The following GRID2 variants were observed in gnomAD, a reference collection of about 807,000 sequenced individuals.
GRID2 encodes glutamate ionotropic receptor delta type subunit 2.
Under a neutral mutation model 114.8 loss-of-function variants are expected in GRID2, and 33 were observed. That is an observed-to-expected ratio of 0.29 (90% CI 0.22 to 0.38). The LOEUF is 0.38. Ranked by LOEUF, GRID2 falls within the 10% of genes least tolerant of loss-of-function variation. The probability of loss-of-function intolerance (pLI) is 1.00; values close to 1 mark genes in which losing one functional copy is unlikely to be tolerated. For missense variants in GRID2, 1,184 were observed against 1,257.7 expected, an observed-to-expected ratio of 0.94 and a Z score of 0.89; for synonymous variants, 505 against 449.9, an observed-to-expected ratio of 1.12 and a Z score of -1.55.
intron 4 of GRID2, among the ~76,000 whole-genome samples, chr4:93,129,744 A>G (rs1014623776): frequency 6.6e-6 from 1 of 152,110 alleles, no homozygotes; most frequent in African/African-American, 2.4e-5. Flanking sequence ...CCTTGTCTCC[A>G]TGATGTTTGG....
Position 92,522,723 on chromosome 4 carries a change from G to T in GRID2, c.89-67408G>T, listed in dbSNP as rs566628508. The stretch of plus-strand genomic sequence containing the variant: ...GAGCAGTAGTCAAAGATAACTTCAA[G>T]TTTTGGGGTTGGGAAAATTGAGAGG... On this transcript the variant is annotated intron_variant, in intron 1 of 15. Coordinates refer to ENST00000282020, the MANE Select transcript of GRID2 (RefSeq NM_001510.4). Among the ~76,000 whole-genome samples the T allele has an allele frequency of 1.2e-4, 18 of 152,068 alleles. No homozygotes were observed. The East Asian group carries it at 2.3e-3, about 20-fold the overall frequency.
At chr4:93,682,108 C>A (rs1457288374) in intron 14 of GRID2, among the ~76,000 whole-genome samples, 12 of 151,472 alleles carry the variant, frequency 7.9e-5, no homozygotes, top group African/African-American at 9.8e-5. Flanking sequence ...ACCCCATCAA[C>A]AAGTGGGCAA....
chr4:92,650,574 G>A (rs551754333), intron 2 of GRID2, among the ~76,000 whole-genome samples: 1 of 151,806 alleles, frequency 6.6e-6, no homozygotes, highest in South Asian at 2.1e-4. Flanking sequence ...TTTGCCTGTT[G>A]ATTCAGATAC....
chr4:93,069,729 C>A (rs574890044), intron 2 of GRID2, among the ~76,000 whole-genome samples: 3 of 152,146 alleles, frequency 2.0e-5, no homozygotes, highest in Non-Finnish European at 4.4e-5. Context: ...ACCATCTTGT[C>A]GGTCAATCAC....
At chr4:92,975,081 C>T (rs1354128738) in intron 2 of GRID2, among the ~76,000 whole-genome samples, 6 of 139,576 alleles carry the variant, frequency 4.3e-5, no homozygotes, top group Non-Finnish European at 7.5e-5. Context: ...GGCGTGAACC[C>T]GGGGTGTGGA....
chr4:92,997,810 A>C (rs1426025607), intron 2 of GRID2, among the ~76,000 whole-genome samples: 3 of 152,190 alleles, frequency 2.0e-5, no homozygotes, highest in Non-Finnish European at 4.4e-5. Flanking sequence ...TGATACCAGC[A>C]CAGCAGTTAA....
chr4:92,480,699 C>G (rs1021526368), intron 1 of GRID2, among the ~76,000 whole-genome samples: 1 of 152,114 alleles, frequency 6.6e-6, no homozygotes, highest in Non-Finnish European at 1.5e-5. Flanking sequence ...GCTCAAGGCT[C>G]TAACCTTAAT....
intron 4 of GRID2, among the ~76,000 whole-genome samples, chr4:93,182,580 C>T (rs1739998302): frequency 6.6e-6 from 1 of 152,102 alleles, no homozygotes; most frequent in Admixed American, 6.6e-5. Context: ...GCTACATTAT[C>T]AGAAGTCAAA....
chr4:92,994,119 A>C (rs900677029), intron 2 of GRID2, among the ~76,000 whole-genome samples: 1 of 152,172 alleles, frequency 6.6e-6, no homozygotes. Flanking sequence ...CATGGAAACC[A>C]ATCCAGAATT....
intron 12 of GRID2, among the ~76,000 whole-genome samples, chr4:93,511,019 C>T (rs1328884336): frequency 6.6e-6 from 1 of 152,132 alleles, no homozygotes; most frequent in Non-Finnish European, 1.5e-5. Flanking sequence ...TCACTGCAAC[C>T]TCCGCCTTCT....
At chr4:93,391,296 G>A (rs1579928130) in intron 8 of GRID2, among the ~76,000 whole-genome samples, 2 of 152,276 alleles carry the variant, frequency 1.3e-5, no homozygotes, top group East Asian at 1.9e-4. Flanking sequence ...CCTGCCATAT[G>A]TATTTTTTAC....
intron 14 of GRID2, among the ~76,000 whole-genome samples, chr4:93,748,004 A>G (rs2110274210): frequency 6.6e-6 from 1 of 152,282 alleles, no homozygotes; most frequent in Non-Finnish European, 1.5e-5. Context: ...TTCTAGATTA[A>G]TAAATGCCCT....
intron 2 of GRID2, among the ~76,000 whole-genome samples, chr4:92,899,408 C>G (rs1009474790): frequency 6.6e-6 from 1 of 152,102 alleles, no homozygotes; most frequent in Non-Finnish European, 1.5e-5. Context: ...TCTGAGGAAG[C>G]ATCCTAAGTC....
intron 13 of GRID2, among the ~76,000 whole-genome samples, chr4:93,605,462 A>C (rs1740134317): frequency 6.6e-6 from 1 of 152,188 alleles, no homozygotes; most frequent in Admixed American, 6.5e-5. Flanking sequence ...AAATACCTTT[A>C]TTCTGATGGA....
At chr4:93,722,165 C>T (rs1729435567) in intron 14 of GRID2, among the ~76,000 whole-genome samples, 1 of 152,024 alleles carries the variant, frequency 6.6e-6, no homozygotes, top group African/African-American at 2.4e-5. Context: ...ATCTACCTGC[C>T]TCAGCCTACC....
At chr4:93,539,796 A>C (rs1305067812) in intron 13 of GRID2, among the ~76,000 whole-genome samples, 2 of 151,734 alleles carry the variant, frequency 1.3e-5, no homozygotes, top group African/African-American at 2.4e-5. Context: ...AATATGTCTG[A>C]TGGGTTTTTT....
chr4:92,583,195 T>C (rs1728263156), intron 1 of GRID2, among the ~76,000 whole-genome samples: 1 of 152,036 alleles, frequency 6.6e-6, no homozygotes. Context: ...TCAAAGGGTT[T>C]TTATCAGAAC....
At chr4:93,686,997 T>C (rs544250822) in intron 14 of GRID2, among the ~76,000 whole-genome samples, 1 of 151,872 alleles carries the variant, frequency 6.6e-6, no homozygotes, top group African/African-American at 2.4e-5. Flanking sequence ...GTGGGAAAGA[T>C]AGAAGCTGGG....
intron 1 of GRID2, among the ~76,000 whole-genome samples, chr4:92,522,471 A>T (rs1224970276): frequency 6.6e-6 from 1 of 151,994 alleles, no homozygotes. Flanking sequence ...GATCTGACTT[A>T]GGCTTTAAAA....
Sources: allele counts gnomAD v4.1 joint callset (sites outside exome capture counted in the v4.1 genomes callset), GRCh38; gene constraint gnomAD v4.1.1; transcripts MANE v1.5; gene names NCBI Gene and HGNC (gene_info 2026-07-23, HGNC 2026-07-21).